ITGB3BP: variants seen among roughly 807,000 people sequenced by gnomAD.
ITGB3BP encodes the protein centromere protein R.
In ITGB3BP, 27 loss-of-function variants were observed where a neutral mutation model predicts 29.1. The observed-to-expected ratio is 0.93, with a 90% CI of 0.68 to 1.28. The LOEUF (loss-of-function observed/expected upper bound fraction) is 1.28. Ranked by LOEUF, ITGB3BP falls within the 50% of genes most tolerant of loss-of-function variation. The pLI, the probability that ITGB3BP is intolerant of heterozygous loss-of-function variation, is 0.00. For missense variants in ITGB3BP, 192 were observed against 200.2 expected (o/e 0.96, Z 0.25); for synonymous variants, 61 against 61.4 (o/e 0.99, Z 0.03).
At chr1:63,493,791 T>G (rs548592025) in intron 2 of ITGB3BP, among the ~76,000 whole-genome samples, 31 of 152,220 alleles carry the variant, frequency 2.0e-4, no homozygotes, top group Non-Finnish European at 4.3e-4. Flanking sequence ...TTTAAACCTA[T>G]TATAAACAGT....
At chr1:63,453,847 G>T in intron 7 of ITGB3BP, 71 bp downstream of exon 7, 1 of 847,664 alleles carries the variant, frequency 1.2e-6, no homozygotes, top group Non-Finnish European at 2.0e-6. Context: ...AAGGATTCAT[G>T]ATGATTAGTT....
chr1:63,444,978 C>A (rs971135545), intron 8 of ITGB3BP, among the ~76,000 whole-genome samples: 7 of 152,082 alleles, frequency 4.6e-5, no homozygotes, highest in Admixed American at 3.9e-4. Context: ...TATAACACTG[C>A]TGGCACATAG....
intron 2 of ITGB3BP, among the ~76,000 whole-genome samples, chr1:63,501,537 AT>A (rs1227550155): frequency 6.6e-6 from 1 of 152,120 alleles, no homozygotes; most frequent in Non-Finnish European, 1.5e-5. Context: ...GATTGGAGAG[AT>A]TAAGTTAGGC....
At chr1:63,490,401 G>A (rs552596127) in intron 2 of ITGB3BP, among the ~76,000 whole-genome samples, 183 bp from the exon 3 acceptor site, 1 of 152,112 alleles carries the variant, frequency 6.6e-6, no homozygotes, top group Non-Finnish European at 1.5e-5. Flanking sequence ...GATATTTCAG[G>A]TCTCTATAAT....
At chr1:63,465,296 A>G (rs1462369448) in intron 4 of ITGB3BP, among the ~76,000 whole-genome samples, 1 of 152,182 alleles carries the variant, frequency 6.6e-6, no homozygotes, top group Non-Finnish European at 1.5e-5. Flanking sequence ...GTGTTCAGGA[A>G]TTCTTTTTAA....
chr1:63,524,826 G>A (rs755209430), upstream of ITGB3BP, among the ~76,000 whole-genome samples: 35 of 152,196 alleles, frequency 2.3e-4, no homozygotes, highest in Non-Finnish European at 4.7e-4. Flanking sequence ...ATACCTGACC[G>A]CTGTAATAGG....
intron 3 of ITGB3BP, among the ~76,000 whole-genome samples, chr1:63,481,233 C>T (rs1645431612): frequency 6.6e-6 from 1 of 151,854 alleles, no homozygotes; most frequent in East Asian, 1.9e-4. Context: ...AATATCTCAC[C>T]CTGTAAAAAT....
rs139334098 is a variant in ITGB3BP at position 63,484,143 on chromosome 1, T to C, written c.185-5310A>G. ...GATGGTTGCATCTGTACTGAACATA[T>C]ACAGACTTTTCCTTGTCATAATTCC... On this transcript the variant is annotated intron_variant, in intron 3 of 8. Coordinates refer to ENST00000271002, the MANE Select transcript of ITGB3BP (RefSeq NM_014288.5). 3.1e-3 allele frequency among the ~76,000 whole-genome samples: 471 copies of C among 152,324 alleles called. 1 individual carries two copies. The highest frequency in any genetic ancestry group is 6.8e-3 in the Middle Eastern group (2 of 294).
intron 7 of ITGB3BP, among the ~76,000 whole-genome samples, chr1:63,448,259 G>A (rs1218163170): frequency 1.1e-4 from 17 of 149,684 alleles, no homozygotes; most frequent in South Asian, 1.1e-3. Flanking sequence ...CAGCACACCA[G>A]CATGGCACAT....
intron 2 of ITGB3BP, among the ~76,000 whole-genome samples, chr1:63,498,625 C>A (rs1333364776): frequency 1.3e-5 from 2 of 150,924 alleles, no homozygotes; most frequent in Non-Finnish European, 2.9e-5. Context: ...ATATCAATAA[C>A]CTAAGCTTCT....
At chr1:63,516,745 G>GA (rs556574637) in intron 1 of ITGB3BP, among the ~76,000 whole-genome samples, 36 of 147,656 alleles carry the variant, frequency 2.4e-4, no homozygotes, top group Admixed American at 8.1e-4. Flanking sequence ...GAAAAAAAAA[G>GA]AAAAGCAAAT....
At chr1:63,472,756 C>G (rs1219510425) in intron 4 of ITGB3BP, among the ~76,000 whole-genome samples, 1 of 151,600 alleles carries the variant, frequency 6.6e-6, no homozygotes, top group Non-Finnish European at 1.5e-5. Flanking sequence ...GGATTGCAGA[C>G]AGAGTCTCGT....
At chr1:63,511,558 C>A (rs1392531443) in intron 1 of ITGB3BP, among the ~76,000 whole-genome samples, 1 of 151,696 alleles carries the variant, frequency 6.6e-6, no homozygotes, top group South Asian at 2.1e-4. Flanking sequence ...ACAGATGAAC[C>A]GATAAACAAA....
chr1:63,460,921 C>T (rs866899656), intron 4 of ITGB3BP, among the ~76,000 whole-genome samples: 1 of 151,706 alleles, frequency 6.6e-6, no homozygotes, highest in South Asian at 2.1e-4. Context: ...TGTTTATTGG[C>T]AATTTATATA....
chr1:63,498,814 C>A (rs952810588), intron 2 of ITGB3BP, among the ~76,000 whole-genome samples: 3 of 150,502 alleles, frequency 2.0e-5, no homozygotes, highest in Non-Finnish European at 4.4e-5. Context: ...TTCAGCTAGA[C>A]TGATGAAGGA....
intron 1 of ITGB3BP, among the ~76,000 whole-genome samples, chr1:63,517,873 C>T (rs905200450): frequency 6.6e-6 from 1 of 152,092 alleles, no homozygotes. Context: ...AGGCACGTAA[C>T]GTCACACCTT....
intron 2 of ITGB3BP, among the ~76,000 whole-genome samples, chr1:63,495,855 T>A (rs1645773755): frequency 6.6e-6 from 1 of 152,134 alleles, no homozygotes; most frequent in Non-Finnish European, 1.5e-5. Context: ...ATGAAAAGAT[T>A]CAGCATGAAA....
intron 7 of ITGB3BP, chr1:63,449,927 C>A (rs1644839711): frequency 1.3e-5 from 2 of 152,196 alleles, no homozygotes. Flanking sequence ...TTTTTCAAGC[C>A]TGAGTTGGGG....
At chr1:63,447,736 G>C (rs1644806426) in intron 7 of ITGB3BP, 1 of 420,086 alleles carries the variant, frequency 2.4e-6, no homozygotes, top group South Asian at 1.7e-5. Flanking sequence ...TGGTGGGACT[G>C]TAAACTAGTT....
Sources: allele counts gnomAD v4.1 joint callset (sites outside exome capture counted in the v4.1 genomes callset), GRCh38; gene constraint gnomAD v4.1.1; transcripts MANE v1.5; gene names NCBI Gene and HGNC (gene_info 2026-07-23, HGNC 2026-07-21).